Variants in PIEZO1 observed in about 807,000 individuals in gnomAD.
PIEZO1 encodes the protein piezo-type mechanosensitive ion channel component 1.
A neutral mutation model predicts 297.2 loss-of-function variants in PIEZO1; 296 were observed. The ratio of observed to expected loss-of-function variants is 1.00; its 90% CI spans 0.91 to 1.10. The LOEUF is 1.10. PIEZO1 is among the 50% of genes least tolerant of loss of function. The pLI, the probability that PIEZO1 is intolerant of heterozygous loss-of-function variation, is 0.00. For missense variants in PIEZO1, 5,018 were observed against 3,455.5 expected (o/e 1.45, Z -11.34); for synonymous variants, 2,427 against 1,507.5 (o/e 1.61, Z -14.13).
intron 1 of PIEZO1, among the ~76,000 whole-genome samples, chr16:88,760,232 G>A (rs1046184890): frequency 5.9e-5 from 9 of 152,136 alleles, no homozygotes; most frequent in East Asian, 1.9e-4. Flanking sequence ...CCCCCGGGGC[G>A]CTGGACCGTC....
At chr16:88,740,501 G>T (rs1418706319) in intron 5 of PIEZO1, 2 of 152,310 alleles carry the variant, frequency 1.3e-5, no homozygotes, top group Non-Finnish European at 2.9e-5. Flanking sequence ...CCTCATGAGC[G>T]CTGGACCCCC....
At chr16:88,751,052 G>A (rs142252532) in intron 1 of PIEZO1, among the ~76,000 whole-genome samples, 149 of 152,180 alleles carry the variant, frequency 9.8e-4, no homozygotes, top group South Asian at 4.4e-3. Context: ...GAGGCCATGC[G>A]TGCCACCATC....
intron 48 of PIEZO1, 31 bp downstream of exon 48, chr16:88,716,330 C>T: frequency 6.6e-7 from 1 of 1,506,572 alleles, no homozygotes; most frequent in Non-Finnish European, 8.9e-7. Context: ...TGGCACAGCC[C>T]TCCTGCCCAC....
At chr16:88,780,854 G>A (rs545888529) in intron 1 of PIEZO1, among the ~76,000 whole-genome samples, 30 of 152,332 alleles carry the variant, frequency 2.0e-4, no homozygotes, top group Non-Finnish European at 4.3e-4. Flanking sequence ...CTACTCAGGA[G>A]GCTGAGGCAG....
At chr16:88,734,157 GT>G in intron 16 of PIEZO1, 103 bp from the exon 17 acceptor site, 2 of 1,380,814 alleles carry the variant, frequency 1.4e-6, no homozygotes, top group Non-Finnish European at 1.9e-6. Context: ...GCAGCTGCCA[GT>G]TCAGGTGCAC....
intron 19 of PIEZO1, 75 bp downstream of exon 19, chr16:88,733,203 T>C: frequency 7.3e-7 from 1 of 1,360,570 alleles, no homozygotes; most frequent in Non-Finnish European, 1.0e-6. Flanking sequence ...CTGAGGCAGC[T>C]GCCCCAGGAG....
rs1416197976 is a variant in PIEZO1, at chr16:88,734,042, C to T, written c.2193G>A (p.Val731=). 4 of 1,526,966 alleles carry T rather than the reference C, an allele frequency of 2.6e-6. No homozygotes were observed. Among genetic ancestry groups the T allele is most frequent in the Non-Finnish European group, 3.5e-6 (4 of 1,133,180 alleles). The allele number at this position is 1,526,966 out of a possible 1,614,324, so 94.6% of individuals were successfully genotyped here. The part of the protein sequence containing the change: ...LPRWAHRQDA[V]SGTPLLREEQ... ...CCTCCCGCAGCAGTGGGGTCCCACT[C>T]ACTGCATCCTGCCTGGGAGAGGGTC... The change falls in exon 17 of 51, where the codon GTG becomes GTA. Residue 731 remains valine, a synonymous_variant. Coordinates refer to ENST00000301015, the MANE Select transcript of PIEZO1 (RefSeq NM_001142864.4).
chr16:88,722,508 C>T (rs1290254388), intron 35 of PIEZO1, 75 bp downstream of exon 35: 13 of 1,428,686 alleles, frequency 9.1e-6, no homozygotes, highest in South Asian at 2.7e-5. Context: ...AAGGGAATGG[C>T]GAGGGTCGGG....
In PIEZO1 at chr16:88,715,528, G is replaced by A; in HGVS notation, c.*77C>T. On this transcript the variant is annotated 3_prime_UTR_variant, in exon 51 of 51. Transcript: ENST00000301015. ...CTTGGACGGGGCAGTGGCTCCCCCGGCCTGAGGAGTGCCGCCCCTTGTGGC... is the reference window on the plus strand; with the variant it reads ...CTTGGACGGGGCAGTGGCTCCCCCGACCTGAGGAGTGCCGCCCCTTGTGGC... 3.5e-6 allele frequency: 5 copies of A among 1,418,236 alleles called. No homozygotes were observed. Among genetic ancestry groups the A allele is most frequent in the South Asian group, 1.3e-5 (1 of 77,190 alleles). The allele number at this position is 1,418,236 out of a possible 1,614,324, so 87.9% of individuals were successfully genotyped here. A position where few individuals can be genotyped will look rare whatever the true frequency, so the allele number is the denominator to read the frequency against.
intron 1 of PIEZO1, among the ~76,000 whole-genome samples, chr16:88,768,718 G>A (rs1482766378): frequency 6.6e-6 from 1 of 152,174 alleles, no homozygotes; most frequent in East Asian, 1.9e-4. Context: ...GGCAGTGAGG[G>A]GCTGGCTGAC....
Position 88,723,230 on chromosome 16 carries a change from G to A in PIEZO1, c.4434C>T (p.Pro1478=). 1.3e-6 allele frequency: 2 copies of A among 1,547,518 alleles called. No homozygotes were observed. The highest frequency in any genetic ancestry group is 2.4e-5 in the South Asian group (2 of 84,056). Residue 1478 remains proline (P), a synonymous_variant, in exon 32 of 51, where the codon CCC becomes CCT. Coordinates refer to ENST00000301015, the MANE Select transcript of PIEZO1 (RefSeq NM_001142864.4). Reference sequence around the variant, plus strand: ...TCCCCACGCCCCCCAGCTCACCTGTGGGTAGCTGTCCTGCCTGTTCCTGCC... The same window carrying A: ...TCCCCACGCCCCCCAGCTCACCTGTAGGTAGCTGTCCTGCCTGTTCCTGCC... ...QARQEQAGQL[P]TGGGPSQEVE...
intron 1 of PIEZO1, among the ~76,000 whole-genome samples, chr16:88,779,192 C>T (rs577541391): frequency 1.5e-4 from 23 of 152,180 alleles, no homozygotes; most frequent in African/African-American, 4.8e-4. Context: ...GTGCCCGCCA[C>T]CATGCCCAGC....
chr16:88,784,545 G>A (rs531985984), intron 1 of PIEZO1, among the ~76,000 whole-genome samples: 2 of 151,486 alleles, frequency 1.3e-5, no homozygotes, highest in Admixed American at 6.6e-5. Context: ...CACCACCGCC[G>A]CGGCCCTTCC....
At chr16:88,736,083 A>G in intron 12 of PIEZO1, 65 bp downstream of exon 12, 1 of 1,449,194 alleles carries the variant, frequency 6.9e-7, no homozygotes, top group South Asian at 1.3e-5. Context: ...TGGACATTGA[A>G]CAGGACGACA....
chr16:88,725,796 C>A, intron 27 of PIEZO1, 112 bp from the exon 28 acceptor site: 1 of 666,100 alleles, frequency 1.5e-6, no homozygotes, highest in Non-Finnish European at 2.7e-6. Context: ...TCTCTGCCCA[C>A]GCTGGACAAG....
In PIEZO1 at chr16:88,726,410, T is replaced by C. The variant is rs1175154927; in HGVS notation, c.3842A>G (p.Glu1281Gly). 15 of 1,550,494 alleles carry C rather than the reference T, an allele frequency of 9.7e-6. No individual in the cohort carries two copies. The highest frequency in any genetic ancestry group is 1.4e-5 in the African/African-American group (1 of 73,156). ...DRDQDCLLPV[E>G]EAGIIWDSVC... is the part of the protein sequence containing the mutation. ...GCTGTCCCAGATGATGCCAGCCTCCTCCACAGGCAGCAGGCAGTCCTGGTC... is the reference window on the plus strand; with the variant it reads ...GCTGTCCCAGATGATGCCAGCCTCCCCCACAGGCAGCAGGCAGTCCTGGTC... The change falls in exon 27 of 51, where the codon GAG (glutamate) becomes GGG (glycine). Residue 1281 changes from glutamate to glycine, a missense_variant. Physicochemically the swap from Glu to Gly is moderately conservative, Grantham distance 98. Transcript: ENST00000301015.
intron 1 of PIEZO1, among the ~76,000 whole-genome samples, chr16:88,756,331 G>A (rs988260938): frequency 2.6e-5 from 4 of 152,196 alleles, no homozygotes; most frequent in East Asian, 3.9e-4. Flanking sequence ...GGAGTCAGTC[G>A]TTCTGCCTCG....
At chr16:88,719,196 T>TC (rs770013208) in intron 44 of PIEZO1, 1 of 238,712 alleles carries the variant, frequency 4.2e-6, no homozygotes, top group Non-Finnish European at 8.3e-6. Flanking sequence ...CAACTGTGAA[T>TC]CCACTAGAAA....
chr16:88,723,146 C>G lies in PIEZO1; in HGVS notation c.4444G>C (p.Gly1482Arg). 6.5e-7 allele frequency: 1 copy of G among 1,549,234 alleles called. No individual in the cohort carries two copies. ...GCTGGCTCCACCTCCTGGCTGGGAC[C>G]ACCTCCTGGGCACAGGATGCTGGTG... ...EQAGQLPTGG[G>R]PSQEVEPAEG... is the part of the protein sequence containing the mutation. Residue 1482 changes from glycine (G) to arginine (R), a missense_variant, in exon 33 of 51, where the codon GGT becomes CGT. Gly to Arg is a moderately radical substitution (Grantham distance 125). Coordinates refer to ENST00000301015, the MANE Select transcript of PIEZO1 (RefSeq NM_001142864.4).
Sources: gnomAD v4.1 joint callset for allele counts (sites outside exome capture counted in the v4.1 genomes callset) on GRCh38, gnomAD v4.1.1 for gene constraint, MANE v1.5 for transcripts, NCBI Gene and HGNC (gene_info 2026-07-23, HGNC 2026-07-21) for gene names.